Variants in LHFPL2 observed in about 807,000 individuals in gnomAD.
LHFPL2 encodes LHFPL tetraspan subfamily member 2 protein.
A neutral mutation model predicts 17.5 loss-of-function variants in LHFPL2; 7 were observed. The ratio of observed to expected loss-of-function variants is 0.40; its 90% CI spans 0.23 to 0.75. The LOEUF (loss-of-function observed/expected upper bound fraction) is 0.75, where lower values mean the gene tolerates loss of function less well. Among genes scored for constraint, LHFPL2 ranks in the 30% least tolerant of loss-of-function variants. The pLI is 0.37. For missense variants in LHFPL2, 241 were observed against 294.8 expected (o/e 0.82, Z 1.34); for synonymous variants, 134 against 116.2 (o/e 1.15, Z -0.99).
Position 78,550,115 on chromosome 5 carries a change from G to A in LHFPL2, c.-186+14698C>T, listed in dbSNP as rs114064937. Among the ~76,000 whole-genome samples, 363 of 152,284 alleles carry A rather than the reference G, an allele frequency of 2.4e-3. 1 individual carries two copies. Among genetic ancestry groups the A allele is most frequent in the Non-Finnish European group, 4.3e-3 (294 of 68,036 alleles). On this transcript the variant is annotated intron_variant, in intron 3 of 4. Transcript: ENST00000380345. ...TAATATAACCCATAGTGGATCAGGA[G>A]GCCAAGCTTGCACACAGGCTACTGG... is the stretch of plus-strand genomic sequence containing the variant.
intron 2 of LHFPL2, among the ~76,000 whole-genome samples, chr5:78,617,281 C>T (rs757367232): frequency 2.0e-5 from 3 of 152,168 alleles, no homozygotes; most frequent in African/African-American, 7.2e-5. Flanking sequence ...CCACCCACCT[C>T]GGACTCCCAA....
chr5:78,490,008 A>ATTGT (rs1374634374), intron 4 of LHFPL2, among the ~76,000 whole-genome samples: 5 of 152,214 alleles, frequency 3.3e-5, no homozygotes, highest in Admixed American at 2.0e-4. Context: ...TCTTTACCTG[A>ATTGT]TTGTTAGTGC....
intron 2 of LHFPL2, among the ~76,000 whole-genome samples, chr5:78,575,988 C>T (rs575334250): frequency 2.7e-4 from 41 of 152,236 alleles, no homozygotes; most frequent in African/African-American, 9.9e-4. Context: ...GCCACTGTGC[C>T]CAGCCAAAAT....
intron 3 of LHFPL2, among the ~76,000 whole-genome samples, chr5:78,522,207 G>A (rs373131303): frequency 1.3e-5 from 2 of 152,068 alleles, no homozygotes; most frequent in Non-Finnish European, 2.9e-5. Flanking sequence ...AGGCCCAGGC[G>A]GGTGGATCAC....
intron 2 of LHFPL2, among the ~76,000 whole-genome samples, chr5:78,575,056 G>A (rs983857072): frequency 6.6e-6 from 1 of 152,180 alleles, no homozygotes; most frequent in African/African-American, 2.4e-5. Context: ...AACAGACACT[G>A]CTTCCTAATC....
At chr5:78,627,706 C>G (rs921433995) in intron 2 of LHFPL2, among the ~76,000 whole-genome samples, 3 of 152,156 alleles carry the variant, frequency 2.0e-5, no homozygotes, top group African/African-American at 4.8e-5. Flanking sequence ...ATGAAGCCCT[C>G]GATAGCTACT....
At chr5:78,510,471 C>T in intron 3 of LHFPL2, 73 bp from the exon 4 acceptor site, 2 of 476,024 alleles carry the variant, frequency 4.2e-6, no homozygotes, top group Non-Finnish European at 7.4e-6. Context: ...GCGACACCGT[C>T]CAAGTCCGGC....
Position 78,598,830 on chromosome 5 carries a change from G to A in LHFPL2, c.-245+33434C>T, listed in dbSNP as rs908751531. ...TCATGAATATGTCTATCCACTGATT[G>A]GTCAATAACTGCATGAATTATTTTC... On this transcript the variant is annotated intron_variant, in intron 2 of 4. Transcript: ENST00000380345. Among the ~76,000 whole-genome samples, 25 of 152,190 alleles carry A rather than the reference G, an allele frequency of 1.6e-4. 1 individual carries two copies. Among genetic ancestry groups the A allele is most frequent in the African/African-American group, 5.8e-4 (24 of 41,520 alleles).
At chr5:78,530,983 C>T (rs1755765947) in intron 3 of LHFPL2, among the ~76,000 whole-genome samples, 2 of 152,182 alleles carry the variant, frequency 1.3e-5, no homozygotes, top group South Asian at 4.1e-4. Flanking sequence ...CCATTCTCCC[C>T]TTCTTCATTA....
rs567506934 is a variant in LHFPL2, at chr5:78,607,595, C to T, written c.-245+24669G>A. ...CATCCAGTTGGTTCCACCTCTCATT[C>T]CTGTTTTATCCTAGACTAGCCTCTT... On this transcript the variant is annotated intron_variant, in intron 2 of 4. Coordinates refer to ENST00000380345, the MANE Select transcript of LHFPL2 (RefSeq NM_005779.3). 3.9e-5 allele frequency among the ~76,000 whole-genome samples: 6 copies of T among 152,312 alleles called. 1 individual carries two copies. The East Asian group carries it at 1.2e-3, about 29-fold the overall frequency.
chr5:78,516,740 G>C (rs962491921), intron 3 of LHFPL2, among the ~76,000 whole-genome samples: 3 of 152,182 alleles, frequency 2.0e-5, no homozygotes, highest in African/African-American at 7.2e-5. Context: ...TGCTAGTTTG[G>C]ATGTCCAAGA....
intron 4 of LHFPL2, among the ~76,000 whole-genome samples, chr5:78,495,811 A>G (rs1561304694): frequency 2.0e-5 from 3 of 152,180 alleles, no homozygotes; most frequent in Admixed American, 6.5e-5. Flanking sequence ...TGCATGCCAT[A>G]TGCTTGCCTT....
intron 3 of LHFPL2, among the ~76,000 whole-genome samples, chr5:78,528,687 T>C (rs991424645): frequency 2.0e-5 from 3 of 152,232 alleles, no homozygotes; most frequent in Non-Finnish European, 1.5e-5. Context: ...GGCACAGTTA[T>C]GTATGTGTAC....
chr5:78,574,114 C>T (rs529236678), intron 2 of LHFPL2, among the ~76,000 whole-genome samples: 1 of 152,210 alleles, frequency 6.6e-6, no homozygotes, highest in Non-Finnish European at 1.5e-5. Context: ...ACGATGAGAA[C>T]TATGAAGCAT....
intron 3 of LHFPL2, among the ~76,000 whole-genome samples, chr5:78,532,531 C>T (rs771065419): frequency 1.2e-4 from 19 of 152,088 alleles, no homozygotes; most frequent in Non-Finnish European, 2.5e-4. Flanking sequence ...AAGCTAACAC[C>T]GTAGTCCACC....
chr5:78,490,398 C>G (rs904673261), intron 4 of LHFPL2, among the ~76,000 whole-genome samples: 1 of 152,114 alleles, frequency 6.6e-6, no homozygotes, highest in African/African-American at 2.4e-5. Flanking sequence ...CCTGAAATGA[C>G]AAAGGCAACC....
At chr5:78,638,630 C>T (rs184622409) in intron 1 of LHFPL2, among the ~76,000 whole-genome samples, 1 of 152,280 alleles carries the variant, frequency 6.6e-6, no homozygotes, top group East Asian at 1.9e-4. Flanking sequence ...CCTCTGCCCT[C>T]CGGCCGCCTG....
In LHFPL2 at chr5:78,488,760, T is replaced by C. The variant is rs1754335356; in HGVS notation, c.*137A>G. On this transcript the variant is annotated 3_prime_UTR_variant, in exon 5 of 5. Coordinates refer to ENST00000380345, the MANE Select transcript of LHFPL2 (RefSeq NM_005779.3). ...TTGCGTAGCTGGATGTGGCCTCTCA[T>C]TGGTCCTGTTTAAGCCTCGGGCCGT... 3.0e-5 allele frequency: 27 copies of C among 907,822 alleles called. No homozygotes were observed. The South Asian group carries it at 3.6e-4, about 12-fold the overall frequency. The allele number at this position is 907,822 out of a possible 1,614,324, so 56.2% of individuals were successfully genotyped here. A position where few individuals can be genotyped will look rare whatever the true frequency, so the allele number is the denominator to read the frequency against.
At chr5:78,507,197 G>A (rs1310440289) in intron 4 of LHFPL2, among the ~76,000 whole-genome samples, 5 of 152,114 alleles carry the variant, frequency 3.3e-5, no homozygotes, top group Non-Finnish European at 7.4e-5. Flanking sequence ...AGGCATGGTG[G>A]CAGGTGCCTG....
Sources: allele counts gnomAD v4.1 joint callset (sites outside exome capture counted in the v4.1 genomes callset), GRCh38; gene constraint gnomAD v4.1.1; transcripts MANE v1.5; gene names NCBI Gene and HGNC (gene_info 2026-07-23, HGNC 2026-07-21).